Variants in PPA2 observed in about 807,000 individuals in gnomAD.
PPA2 encodes inorganic pyrophosphatase 2, mitochondrial.
Under a neutral mutation model 49.5 loss-of-function variants are expected in PPA2, and 48 were observed. That is an observed-to-expected ratio of 0.97 (90% CI 0.77 to 1.23). The LOEUF (loss-of-function observed/expected upper bound fraction) is 1.23, where lower values mean the gene tolerates loss of function less well. Ranked by LOEUF, PPA2 falls within the 50% of genes most tolerant of loss-of-function variation. The pLI is 0.00. For synonymous variants in PPA2, 131 were observed against 139.9 expected (o/e 0.94, Z 0.45); for missense variants, 429 against 410.1 (o/e 1.05, Z -0.40).
At chr4:105,415,595 A>ACAGCTGTGGCTGTGTGGCTG (rs1722972602) in intron 7 of PPA2, among the ~76,000 whole-genome samples, 1 of 152,058 alleles carries the variant, frequency 6.6e-6, no homozygotes, top group Admixed American at 6.5e-5. Context: ...GCCCAGGTCC[A>ACAGCTGTGGCTGTGTGGCTG]CAGCTGTGGC....
intron 8 of PPA2, among the ~76,000 whole-genome samples, chr4:105,396,600 T>C (rs1237587775): frequency 6.6e-6 from 1 of 152,190 alleles, no homozygotes; most frequent in African/African-American, 2.4e-5. Flanking sequence ...AACTAGGAAC[T>C]ATGGGTAAAA....
intron 10 of PPA2, among the ~76,000 whole-genome samples, chr4:105,372,481 G>T (rs1400859274): frequency 6.6e-6 from 1 of 152,106 alleles, no homozygotes; most frequent in East Asian, 1.9e-4. Flanking sequence ...CAACTTGGAG[G>T]GTGTTTTTAG....
At position 105,369,612 on chromosome 4, in the gene PPA2, T is replaced by G. The variant is rs1177241605; in HGVS notation, c.*113A>C. On this transcript the variant is annotated 3_prime_UTR_variant, in exon 12 of 12. Transcript: ENST00000341695. ...TATATATTGCATAGCTCAAAAAGTT[T>G]GAAAAAATGAAGTTTTAACAGGAAG... 6 of 975,360 alleles carry G rather than the reference T, an allele frequency of 6.2e-6. No individual in the cohort carries two copies. The highest frequency in any genetic ancestry group is 9.6e-6 in the Non-Finnish European group (6 of 624,728). The allele number at this position is 975,360 out of a possible 1,614,324, so 60.4% of individuals were successfully genotyped here.
chr4:105,439,279 A>T (rs1724223597), intron 5 of PPA2, among the ~76,000 whole-genome samples: 2 of 152,208 alleles, frequency 1.3e-5, no homozygotes, highest in African/African-American at 2.4e-5. Flanking sequence ...CTATATGGTA[A>T]AGATTGTATT....
chr4:105,444,481 T>TGCAGGTGAATG (rs1724516312), intron 5 of PPA2, among the ~76,000 whole-genome samples: 1 of 152,136 alleles, frequency 6.6e-6, no homozygotes, highest in African/African-American at 2.4e-5. Context: ...GCAGGGTGAA[T>TGCAGGTGAATG]AATGAATTAA....
At chr4:105,444,121 C>A (rs772935304) in intron 5 of PPA2, among the ~76,000 whole-genome samples, 1 of 152,180 alleles carries the variant, frequency 6.6e-6, no homozygotes, top group Admixed American at 6.5e-5. Flanking sequence ...GCAGTACTTA[C>A]AAGAACACCT....
chr4:105,402,887 G>C (rs1388087198), intron 7 of PPA2, among the ~76,000 whole-genome samples: 1 of 152,138 alleles, frequency 6.6e-6, no homozygotes. Flanking sequence ...GTAAAACTCA[G>C]AGGAATTACC....
At chr4:105,441,125 C>A (rs865861483) in intron 5 of PPA2, among the ~76,000 whole-genome samples, 171 of 152,166 alleles carry the variant, frequency 1.1e-3, no homozygotes, top group African/African-American at 3.9e-3. Flanking sequence ...TATTAACAGA[C>A]AAATAACTAG....
chr4:105,456,599 C>T, intron 2 of PPA2, 82 bp downstream of exon 2: 1 of 1,172,308 alleles, frequency 8.5e-7, no homozygotes, highest in Non-Finnish European at 1.2e-6. Flanking sequence ...AACACTTTTT[C>T]CTTTCAAGGT....
chr4:105,413,181 G>A (rs1722841539), intron 7 of PPA2, among the ~76,000 whole-genome samples: 1 of 152,134 alleles, frequency 6.6e-6, no homozygotes, highest in Non-Finnish European at 1.5e-5. Flanking sequence ...CCTTTGCAAG[G>A]TCATGGATGA....
In PPA2 at chr4:105,456,680, C is replaced by G. The variant is rs1250950502; in HGVS notation, c.222+1G>C. 6.3e-7 allele frequency: 1 copy of G among 1,597,960 alleles called. No individual in the cohort carries two copies. The highest frequency in any genetic ancestry group is 1.7e-5 in the Admixed American group (1 of 58,580). ...ATTCCCAAAACAAGTCAAAACAATA[C>G]CTCTTTAGAGTTCACCTTCAGAGGA... On this transcript the variant is annotated splice_donor_variant, in intron 2 of 11. Transcript: ENST00000341695. LOFTEE classifies it high-confidence loss of function.
chr4:105,458,500 CAACAAAT>C (rs987392017), intron 1 of PPA2, among the ~76,000 whole-genome samples: 5 of 152,002 alleles, frequency 3.3e-5, no homozygotes, highest in African/African-American at 1.2e-4. Flanking sequence ...ACAACAACAA[CAACAAAT>C]AAGCCCTGGA....
chr4:105,400,240 AATTAAT>A (rs1440666541), intron 7 of PPA2, among the ~76,000 whole-genome samples: 11 of 152,254 alleles, frequency 7.2e-5, no homozygotes, highest in South Asian at 2.1e-4. Flanking sequence ...TGCAAAAATT[AATTAAT>A]ATTGAGTTCC....
intron 4 of PPA2, among the ~76,000 whole-genome samples, chr4:105,447,041 G>A (rs1722417158): frequency 6.6e-6 from 1 of 152,146 alleles, no homozygotes. Flanking sequence ...AGGAAAGAAA[G>A]AAGTGAAACT....
At chr4:105,456,879 T>TA in intron 1 of PPA2, 134 bp from the exon 2 acceptor site, 1 of 591,212 alleles carries the variant, frequency 1.7e-6, no homozygotes, top group Non-Finnish European at 2.7e-6. Context: ...ACTCCCAACT[T>TA]AAAGTTAATT....
intron 1 of PPA2, among the ~76,000 whole-genome samples, chr4:105,461,092 T>C (rs898405572): frequency 1.3e-5 from 2 of 152,186 alleles, no homozygotes; most frequent in Non-Finnish European, 1.5e-5. Context: ...AATATATCTA[T>C]AAATTTGCAC....
At chr4:105,473,593 C>T (rs1389088499) in intron 1 of PPA2, 1 of 606,646 alleles carries the variant, frequency 1.6e-6, no homozygotes, top group African/African-American at 1.8e-5. Context: ...GCCGCTTGCA[C>T]TCTGCCTACC....
At chr4:105,427,765 A>G (rs1054083431) in intron 6 of PPA2, among the ~76,000 whole-genome samples, 9 of 152,230 alleles carry the variant, frequency 5.9e-5, no homozygotes, top group African/African-American at 2.2e-4. Flanking sequence ...ACCAAGTGAG[A>G]AATCACTCTT....
chr4:105,443,591 T>A (rs901693584), intron 5 of PPA2, among the ~76,000 whole-genome samples: 1 of 145,410 alleles, frequency 6.9e-6, no homozygotes, highest in Admixed American at 6.8e-5. Flanking sequence ...TATGGTGTAT[T>A]CACACACACA....
Sources: gnomAD v4.1 joint callset for allele counts (sites outside exome capture counted in the v4.1 genomes callset) on GRCh38, gnomAD v4.1.1 for gene constraint, MANE v1.5 for transcripts, NCBI Gene and HGNC (gene_info 2026-07-23, HGNC 2026-07-21) for gene names.